SYNRG: variants seen among roughly 807,000 people sequenced by gnomAD.
SYNRG encodes the protein AP1 gamma subunit binding protein 1.
In SYNRG, 37 loss-of-function variants were observed where a neutral mutation model predicts 130.9. That is an observed-to-expected ratio of 0.28 (90% CI 0.22 to 0.37). The LOEUF (loss-of-function observed/expected upper bound fraction) is 0.37, where lower values mean the gene tolerates loss of function less well. Among genes scored for constraint, SYNRG ranks in the 10% least tolerant of loss-of-function variants. The pLI is 1.00. For synonymous variants in SYNRG, 539 were observed against 568.1 expected, an observed-to-expected ratio of 0.95 and a Z score of 0.73; for missense variants, 1,338 against 1,588.9, an observed-to-expected ratio of 0.84 and a Z score of 2.68.
chr17:37,542,384 C>G lies in SYNRG; in HGVS notation c.2790G>C (p.Glu930Asp). Residue 930 changes from glutamate to aspartate, a missense_variant, in exon 15 of 22, where the codon GAG becomes GAC. Glu to Asp is a conservative substitution (Grantham distance 45). Around this residue, in one of 3 missense-constraint regions of SYNRG, gnomAD observed 1,146 missense variants for 1,342.3 expected, o/e 0.85. Coordinates refer to ENST00000612223, the MANE Select transcript of SYNRG (RefSeq NM_007247.6). ...TGTTTTCAGAACTGCCAAATGAAGTCTCTTTCTTTTGAAGAATTGAGGTGG... is the reference window on the plus strand; with the variant it reads ...TGTTTTCAGAACTGCCAAATGAAGTGTCTTTCTTTTGAAGAATTGAGGTGG... ...PSATSILQKK[E>D]TSFGSSENIT... 1 of 1,614,174 alleles carries G rather than the reference C, an allele frequency of 6.2e-7. No individual in the cohort carries two copies. The highest frequency in any genetic ancestry group is 8.5e-7 in the Non-Finnish European group (1 of 1,180,038).
intron 19 of SYNRG, among the ~76,000 whole-genome samples, chr17:37,526,219 A>G (rs746521976): frequency 6.6e-6 from 1 of 152,180 alleles, no homozygotes; most frequent in Non-Finnish European, 1.5e-5. Flanking sequence ...TCCCACGGTG[A>G]CCAGCTATGT....
chr17:37,566,665 C>T (rs966924515), intron 11 of SYNRG, among the ~76,000 whole-genome samples: 3 of 151,638 alleles, frequency 2.0e-5, no homozygotes, highest in Middle Eastern at 3.4e-3. Context: ...GTATCATATA[C>T]GAAAGTAAAC....
At chr17:37,539,980 G>A (rs1005193034) in intron 16 of SYNRG, among the ~76,000 whole-genome samples, 1 of 152,182 alleles carries the variant, frequency 6.6e-6, no homozygotes, top group Non-Finnish European at 1.5e-5. Flanking sequence ...GAAATTAAGT[G>A]TGTTGACCAT....
Position 37,520,724 on chromosome 17 carries a change from C to T in SYNRG, c.3667-76G>A, listed in dbSNP as rs531604982. The T allele has an allele frequency of 2.1e-5, 26 of 1,237,198 alleles. No individual in the cohort carries two copies. The South Asian group carries it at 2.7e-4, about 13-fold the overall frequency. 76.6% of individuals were successfully genotyped at this position (1,237,198 alleles called of 1,614,324 possible). A position where few individuals can be genotyped will look rare whatever the true frequency, so the allele number is the denominator to read the frequency against. Reference sequence around the variant, plus strand: ...GTTCACTTCACTCCCTCATCACTCACCCCCAGCAGGCCTAGCGGCAAGTAC... The same window carrying T: ...GTTCACTTCACTCCCTCATCACTCATCCCCAGCAGGCCTAGCGGCAAGTAC... On this transcript the variant is annotated intron_variant, in intron 19 of 21. Transcript: ENST00000612223.
rs2054461730 is a variant in SYNRG at position 37,516,822 on chromosome 17, T to TTTTTGTATAATTAA, written c.*2117_*2118insTTAATTATACAAAA. On this transcript the variant is annotated 3_prime_UTR_variant, in exon 22 of 22. Transcript: ENST00000612223. ...GCACTCCACCTACCCGGCTAATTAT[T>TTTTTGTATAATTAA]TTTTGTATAATTAGCTGGGGTCTTT... 2 of 151,808 alleles carry TTTTTGTATAATTAA rather than the reference T, an allele frequency of 1.3e-5. No homozygotes were observed. The highest frequency in any genetic ancestry group is 2.9e-5 in the Non-Finnish European group (2 of 68,018). The allele number at this position is 151,808 out of a possible 1,614,324, so 9.4% of individuals were successfully genotyped here.
chr17:37,580,504 T>A (rs1196207955), intron 6 of SYNRG, among the ~76,000 whole-genome samples: 2 of 116,326 alleles, frequency 1.7e-5, no homozygotes, highest in South Asian at 2.6e-4. Flanking sequence ...TGTGTGTGTG[T>A]GTGTGTGAGA....
intron 19 of SYNRG, among the ~76,000 whole-genome samples, chr17:37,524,447 C>T (rs1214203034): frequency 6.6e-6 from 1 of 152,226 alleles, no homozygotes; most frequent in Non-Finnish European, 1.5e-5. Flanking sequence ...CCACTGAGAT[C>T]ACAGCAGGGG....
At chr17:37,556,355 G>T (rs2059119756) in intron 13 of SYNRG, among the ~76,000 whole-genome samples, 1 of 152,042 alleles carries the variant, frequency 6.6e-6, no homozygotes, top group Non-Finnish European at 1.5e-5. Context: ...GGAGGCTGAG[G>T]CAGGAGAATC....
At chr17:37,544,516 T>C (rs774927220) in intron 14 of SYNRG, among the ~76,000 whole-genome samples, 5 of 152,102 alleles carry the variant, frequency 3.3e-5, no homozygotes, top group South Asian at 2.1e-4. Flanking sequence ...GGTTTCACCA[T>C]GTTGGCCAGG....
At chr17:37,538,768 C>T (rs147325224) in intron 17 of SYNRG, among the ~76,000 whole-genome samples, 1,784 of 152,186 alleles carry the variant, frequency 0.012, 20 homozygotes, top group South Asian at 0.039. Context: ...CTAATTTTTG[C>T]ATTTTTAGTA....
intron 6 of SYNRG, among the ~76,000 whole-genome samples, chr17:37,584,045 A>C (rs988684981): frequency 6.6e-6 from 1 of 152,198 alleles, no homozygotes; most frequent in Non-Finnish European, 1.5e-5. Flanking sequence ...TGCAAATACA[A>C]GACTCATTTC....
In SYNRG at chr17:37,538,396, A is replaced by C; in HGVS notation, c.3445T>G (p.Leu1149Val). ...LNVIKKANDTLNGISSSSVCT... is the reference protein window; with the variant it reads ...LNVIKKANDTVNGISSSSVCT... ...ACAGAACTACTACTGATTCCATTTA[A>C]GGTATCATTTGCCTTCTTAATGACC... is the stretch of plus-strand genomic sequence containing the variant. Residue 1149 changes from leucine to valine, a missense_variant, in exon 18 of 22, where the codon TTA becomes GTA. Transcript: ENST00000612223. The C allele has an allele frequency of 3.1e-6, 5 of 1,610,346 alleles. No homozygotes were observed. Among genetic ancestry groups the C allele is most frequent in the Non-Finnish European group, 4.2e-6 (5 of 1,178,840 alleles).
intron 1 of SYNRG, among the ~76,000 whole-genome samples, chr17:37,605,349 C>T (rs1180749604): frequency 6.6e-6 from 1 of 152,148 alleles, no homozygotes; most frequent in Non-Finnish European, 1.5e-5. Context: ...ATTGGAAACT[C>T]GTGTATATTT....
chr17:37,532,064 C>T (rs1364618233), intron 19 of SYNRG, among the ~76,000 whole-genome samples: 1 of 152,186 alleles, frequency 6.6e-6, no homozygotes, highest in African/African-American at 2.4e-5. Flanking sequence ...GAATCGCTGC[C>T]TTAGGATATT....
chr17:37,532,287 G>A (rs1472323044), intron 19 of SYNRG, among the ~76,000 whole-genome samples: 1 of 152,178 alleles, frequency 6.6e-6, no homozygotes, highest in East Asian at 1.9e-4. Context: ...TCTTTCCATA[G>A]GTGATTCCAT....
Position 37,516,920 on chromosome 17 carries a change from G to T in SYNRG, c.*2020C>A, listed in dbSNP as rs2054468212. On this transcript the variant is annotated 3_prime_UTR_variant, in exon 22 of 22. Transcript: ENST00000612223. ...TGCAAAGGTAGATTCTGCTGTCATG[G>T]TTCTGTTATGAAATTTAGGCCAGGC... is the stretch of plus-strand genomic sequence containing the variant. 1 of 152,280 alleles carries T rather than the reference G, an allele frequency of 6.6e-6. No individual in the cohort carries two copies. The highest frequency in any genetic ancestry group is 1.9e-4 in the East Asian group (1 of 5,178). 9.4% of individuals were successfully genotyped at this position (152,280 alleles called of 1,614,324 possible).
chr17:37,534,876 TTCAGATGGGTCG>T (rs1231613491), intron 19 of SYNRG, among the ~76,000 whole-genome samples: 2 of 151,118 alleles, frequency 1.3e-5, no homozygotes, highest in Non-Finnish European at 2.9e-5. Flanking sequence ...TGCAATCCCA[TTCAGATGGGTCG>T]CAGAGTTCCA....
At chr17:37,545,377 AGTT>A in intron 14 of SYNRG, among the ~76,000 whole-genome samples, 1 of 152,142 alleles carries the variant, frequency 6.6e-6, no homozygotes, top group Non-Finnish European at 1.5e-5. Context: ...GCCTGGCGAC[AGTT>A]TGAGACTCTG....
Position 37,519,019 on chromosome 17 carries a change from T to C in SYNRG, c.3866A>G (p.Tyr1289Cys), listed in dbSNP as rs2054650626. 6.2e-7 allele frequency: 1 copy of C among 1,614,228 alleles called. No homozygotes were observed. Among genetic ancestry groups the C allele is most frequent in the Non-Finnish European group, 8.5e-7 (1 of 1,180,040 alleles). Residue 1289 changes from tyrosine to cysteine, a missense_variant, in exon 22 of 22, where the codon TAT becomes TGT. By Grantham distance (194) the Tyr-to-Cys change is radical. Around this residue, in one of 3 missense-constraint regions of SYNRG, gnomAD observed 1,146 missense variants for 1,342.3 expected, o/e 0.85. Transcript: ENST00000612223. ...SFKLAYGGHQ[Y>C]HASCANFWIN... ...CCAGAAGTTGGCACAGCTGGCGTGA[T>C]ACTGGTGCCCTCCATAGGCCAGCTT...
Sources: allele counts gnomAD v4.1 joint callset (sites outside exome capture counted in the v4.1 genomes callset), GRCh38; gene constraint gnomAD v4.1.1; regional missense constraint gnomAD v4.1.1; transcripts MANE v1.5; gene names NCBI Gene and HGNC (gene_info 2026-07-23, HGNC 2026-07-21).